NCKAP5: variants seen among roughly 807,000 people sequenced by gnomAD.
The protein encoded by NCKAP5 is nck-associated protein 5.
NCKAP5 carries 92 observed loss-of-function variants against 167.0 expected under a neutral mutation model. That is an observed-to-expected ratio of 0.55 (90% CI 0.47 to 0.66). The LOEUF is 0.66. NCKAP5 is among the 30% of genes least tolerant of loss of function. The probability of loss-of-function intolerance (pLI) is 0.00; values close to 1 mark genes in which losing one functional copy is unlikely to be tolerated. For missense variants in NCKAP5, 2,378 were observed against 2,315.0 expected, an observed-to-expected ratio of 1.03 and a Z score of -0.56; for synonymous variants, 891 against 877.4, an observed-to-expected ratio of 1.02 and a Z score of -0.27.
At chr2:132,972,651 A>AGAGATC (rs2076868890) in intron 7 of NCKAP5, among the ~76,000 whole-genome samples, 1 of 152,160 alleles carries the variant, frequency 6.6e-6, no homozygotes, top group South Asian at 2.1e-4. Context: ...CATGAGGTCA[A>AGAGATC]GAGATCGAGA....
At chr2:132,939,686 C>T (rs961031712) in intron 8 of NCKAP5, among the ~76,000 whole-genome samples, 2 of 152,080 alleles carry the variant, frequency 1.3e-5, no homozygotes, top group African/African-American at 4.8e-5. Context: ...ATCACCCAAG[C>T]AGTGTACATT....
chr2:133,463,211 A>G (rs1409698781), intron 3 of NCKAP5, among the ~76,000 whole-genome samples: 2 of 152,212 alleles, frequency 1.3e-5, no homozygotes, highest in East Asian at 3.8e-4. Flanking sequence ...CACATAAATG[A>G]GCATACGCCA....
At chr2:132,772,131 C>T (rs1332709317) in intron 16 of NCKAP5, among the ~76,000 whole-genome samples, 1 of 152,176 alleles carries the variant, frequency 6.6e-6, no homozygotes, top group African/African-American at 2.4e-5. Context: ...GACCAACAGG[C>T]TATATCATAT....
At chr2:133,116,670 C>T (rs1466029376) in intron 6 of NCKAP5, among the ~76,000 whole-genome samples, 1 of 152,046 alleles carries the variant, frequency 6.6e-6, no homozygotes, top group Non-Finnish European at 1.5e-5. Context: ...GATGCAAACA[C>T]TAAATTTTTG....
chr2:133,539,939 G>A (rs1686083307), intron 2 of NCKAP5, among the ~76,000 whole-genome samples: 1 of 152,188 alleles, frequency 6.6e-6, no homozygotes, highest in Admixed American at 6.5e-5. Flanking sequence ...CCAGCACTTT[G>A]GAAGGCCGAG....
At chr2:133,474,112 A>ATTATCTATC (rs142518396) in intron 3 of NCKAP5, among the ~76,000 whole-genome samples, 10 of 137,954 alleles carry the variant, frequency 7.2e-5, no homozygotes, top group South Asian at 2.4e-4. Context: ...AGAAAATGTG[A>ATTATCTATC]TATCTATCTA....
At chr2:133,632,196 G>A in the NCKAP5 span, among the ~76,000 whole-genome samples, 1 of 152,228 alleles carries the variant, frequency 6.6e-6, no homozygotes, top group Non-Finnish European at 1.5e-5. Context: ...ATGGGTGGCA[G>A]CAGATGCAGC....
intron 3 of NCKAP5, among the ~76,000 whole-genome samples, chr2:133,372,458 A>G (rs759510361): frequency 6.6e-6 from 1 of 152,200 alleles, no homozygotes; most frequent in African/African-American, 2.4e-5. Context: ...TTCTTTCTCA[A>G]CATCTCCTCA....
the NCKAP5 span, among the ~76,000 whole-genome samples, chr2:133,624,104 G>T: frequency 5.3e-5 from 8 of 151,932 alleles, no homozygotes; most frequent in African/African-American, 1.9e-4. Flanking sequence ...GCATAAGAAT[G>T]ATACATCGGA....
intron 4 of NCKAP5, among the ~76,000 whole-genome samples, chr2:133,225,832 G>A (rs544046326): frequency 7.2e-6 from 1 of 139,818 alleles, no homozygotes; most frequent in African/African-American, 2.7e-5. Context: ...CACCAGGCTG[G>A]AGTTCAGTGG....
intron 3 of NCKAP5, among the ~76,000 whole-genome samples, chr2:133,499,574 T>C (rs1159383552): frequency 3.5e-5 from 4 of 115,834 alleles, no homozygotes; most frequent in Non-Finnish European, 7.3e-5. Flanking sequence ...TTTTTTGTTT[T>C]TTTGAGATGG....
chr2:133,384,106 G>T (rs535029885), intron 3 of NCKAP5, among the ~76,000 whole-genome samples: 1 of 152,114 alleles, frequency 6.6e-6, no homozygotes, highest in Non-Finnish European at 1.5e-5. Context: ...ATTGCTTTTG[G>T]TGTTTTAGAC....
chr2:133,650,514 A>G, the NCKAP5 span, among the ~76,000 whole-genome samples: 3 of 152,230 alleles, frequency 2.0e-5, no homozygotes, highest in African/African-American at 4.8e-5. Flanking sequence ...AAAGACAAAC[A>G]TATAGATCAA....
At chr2:133,159,881 T>C (rs1197893347) in intron 5 of NCKAP5, among the ~76,000 whole-genome samples, 1 of 152,002 alleles carries the variant, frequency 6.6e-6, no homozygotes, top group Non-Finnish European at 1.5e-5. Context: ...AATTAAACAG[T>C]GGCTTGAAAA....
intron 5 of NCKAP5, among the ~76,000 whole-genome samples, chr2:133,189,410 AAG>A (rs2085105244): frequency 6.6e-6 from 1 of 152,046 alleles, no homozygotes; most frequent in African/African-American, 2.4e-5. Flanking sequence ...TAGAAAAAGA[AAG>A]AATCCTCCAT....
At chr2:133,558,088 G>C (rs1421841823) in intron 2 of NCKAP5, 2 of 152,218 alleles carry the variant, frequency 1.3e-5, no homozygotes, top group Non-Finnish European at 2.9e-5. Context: ...AAATAGAATT[G>C]TTCAATCTCT....
chr2:133,306,626 T>C (rs908897010), intron 3 of NCKAP5, among the ~76,000 whole-genome samples: 1 of 152,150 alleles, frequency 6.6e-6, no homozygotes, highest in African/African-American at 2.4e-5. Flanking sequence ...AAGACAGGGC[T>C]GAGTGAGCTA....
chr2:133,347,032 C>T (rs1386990718), intron 3 of NCKAP5, among the ~76,000 whole-genome samples: 1 of 152,180 alleles, frequency 6.6e-6, no homozygotes, highest in African/African-American at 2.4e-5. Context: ...AGGTTGACAG[C>T]CACCTGTGAA....
At chr2:132,701,992 G>C (rs1687930030) in intron 19 of NCKAP5, among the ~76,000 whole-genome samples, 2 of 152,266 alleles carry the variant, frequency 1.3e-5, no homozygotes, top group African/African-American at 4.8e-5. Flanking sequence ...TGGGCTGTGG[G>C]ATGACTCACA....
Sources: allele counts gnomAD v4.1 joint callset (sites outside exome capture counted in the v4.1 genomes callset), GRCh38; gene constraint gnomAD v4.1.1; transcripts MANE v1.5; gene names NCBI Gene and HGNC (gene_info 2026-07-23, HGNC 2026-07-21).